Variants in DAPK3 observed in about 807,000 individuals in gnomAD.
DAPK3 encodes death-associated protein kinase 3.
A neutral mutation model predicts 30.6 loss-of-function variants in DAPK3; 24 were observed. The ratio of observed to expected loss-of-function variants is 0.78; its 90% CI spans 0.57 to 1.10. The LOEUF is 1.10. DAPK3 is among the 50% of genes least tolerant of loss of function. The pLI, the probability that DAPK3 is intolerant of heterozygous loss-of-function variation, is 0.00. For missense variants in DAPK3, 629 were observed against 657.3 expected (o/e 0.96, Z 0.47); for synonymous variants, 341 against 284.0 (o/e 1.20, Z -2.02).
In DAPK3 at chr19:3,964,845, T is replaced by C; in HGVS notation, c.209A>G (p.Glu70Gly). Residue 70 changes from glutamate (E) to glycine (G), a missense_variant, in exon 3 of 9, where the codon GAG becomes GGG. By Grantham distance (98) the Glu-to-Gly change is moderately conservative. Around this residue, in one of 2 missense-constraint regions of DAPK3, gnomAD observed 306 missense variants for 378.5 expected, o/e 0.81. Transcript: ENST00000545797. ...GGTGATGATGTTGGGGTGCCGGATC[T>C]CCCGCAGGATGTTCACCTCCCGCTC... Reference protein sequence around the residue: ...EIEREVNILREIRHPNIITLH... With the variant: ...EIEREVNILRGIRHPNIITLH... 10 of 1,612,902 alleles carry C rather than the reference T, an allele frequency of 6.2e-6. No homozygotes were observed. Among genetic ancestry groups the C allele is most frequent in the Non-Finnish European group, 8.5e-6 (10 of 1,179,216 alleles).
chr19:3,959,886 G>C, intron 8 of DAPK3, 173 bp downstream of exon 8: 1 of 646,774 alleles, frequency 1.5e-6, no homozygotes, highest in South Asian at 1.8e-5. Flanking sequence ...TCGGGTGCTG[G>C]ACATCCCACG....
chr19:3,959,621 T>C lies in DAPK3; in HGVS notation c.845A>G (p.Asn282Ser), dbSNP rs1220124523. The C allele has an allele frequency of 5.1e-6, 8 of 1,581,204 alleles. No homozygotes were observed. The highest frequency in any genetic ancestry group is 6.8e-6 in the Non-Finnish European group (8 of 1,170,474). Residue 282 changes from asparagine to serine, a missense_variant, in exon 9 of 9, where the codon AAC (asparagine) becomes AGC (serine). Coordinates refer to ENST00000545797, the MANE Select transcript of DAPK3 (RefSeq NM_001348.3). ...GCGGCCGCTGTCCTCACCACGCACG[T>C]TCCGCCGCCGGATCGCCTAGGAAGG... ...HSWIKAIRRRNVRGEDSGRKP... is the reference protein window; with the variant it reads ...HSWIKAIRRRSVRGEDSGRKP...
At chr19:3,968,293 G>A (rs949123025) in intron 2 of DAPK3, among the ~76,000 whole-genome samples, 1 of 152,080 alleles carries the variant, frequency 6.6e-6, no homozygotes, top group African/African-American at 2.4e-5. Flanking sequence ...TCAGTAGTTC[G>A]AGACCAGCCT....
Position 3,959,253 on chromosome 19 carries a change from C to G in DAPK3, c.1213G>C (p.Gly405Arg). Residue 405 changes from glycine (G) to arginine (R), a missense_variant, in exon 9 of 9, where the codon GGG becomes CGG. Gly to Arg is a moderately radical substitution (Grantham distance 125). This residue lies in a region of DAPK3 where 323 missense variants were observed against 278.8 expected (regional missense o/e 1.16). Coordinates refer to ENST00000545797, the MANE Select transcript of DAPK3 (RefSeq NM_001348.3). ...AAGCGGCGCTTGAGGCCGCTGGTCC[C>G]CAGCAGCGCGCCCTTGGCCTCCTCC... The part of the protein sequence containing the change: ...AQEEAKGALL[G>R]TSGLKRRFSR... 1 of 1,599,952 alleles carries G rather than the reference C, an allele frequency of 6.3e-7. No individual in the cohort carries two copies. The highest frequency in any genetic ancestry group is 2.2e-5 in the East Asian group (1 of 44,780).
chr19:3,966,146 G>A (rs1181127130), intron 2 of DAPK3, among the ~76,000 whole-genome samples: 2 of 152,220 alleles, frequency 1.3e-5, no homozygotes, highest in African/African-American at 2.4e-5. Context: ...AGGTCATGCA[G>A]TCAGTCAGTG....
chr19:3,969,587 G>C, intron 2 of DAPK3, 87 bp downstream of exon 2: 1 of 874,064 alleles, frequency 1.1e-6, no homozygotes, highest in East Asian at 2.4e-5. Context: ...ACAGGATAAA[G>C]AACAGGAAAG....
At chr19:3,963,693 G>A in intron 5 of DAPK3, 24 bp from the exon 6 acceptor site, 1 of 1,530,994 alleles carries the variant, frequency 6.5e-7, no homozygotes, top group Non-Finnish European at 8.8e-7. Flanking sequence ...AGAGGCAAGG[G>A]TCAGCGCAGC....
chr19:3,964,403 G>A, intron 3 of DAPK3, 30 bp from the exon 4 acceptor site: 1 of 1,598,394 alleles, frequency 6.3e-7, no homozygotes. Context: ...AGCAGGGAAA[G>A]CACGGGCCTC....
At chr19:3,962,679 A>G (rs2039530328) in intron 6 of DAPK3, among the ~76,000 whole-genome samples, 1 of 148,430 alleles carries the variant, frequency 6.7e-6, no homozygotes. Flanking sequence ...TGGGAGGCTG[A>G]GGCATGGGAA....
At chr19:3,961,831 G>A (rs1013964384) in intron 6 of DAPK3, 2 of 239,470 alleles carry the variant, frequency 8.4e-6, no homozygotes, top group Non-Finnish European at 1.7e-5. Context: ...GTGGAAAACG[G>A]GGGTGTCTAA....
intron 6 of DAPK3, 192 bp from the exon 7 acceptor site, chr19:3,961,353 C>T: frequency 4.2e-6 from 3 of 712,878 alleles, no homozygotes; most frequent in Non-Finnish European, 8.0e-6. Context: ...TCAAAATCCA[C>T]CCCCCCACCC....
intron 2 of DAPK3, among the ~76,000 whole-genome samples, chr19:3,968,490 G>A (rs1304313925): frequency 6.6e-6 from 1 of 152,024 alleles, no homozygotes; most frequent in Non-Finnish European, 1.5e-5. Flanking sequence ...AAAAAAAAAG[G>A]CTGTTATTCT....
Position 3,961,090 on chromosome 19 carries a change from T to C in DAPK3, c.701A>G (p.Tyr234Cys), listed in dbSNP as rs767756142. 1 of 1,613,750 alleles carries C rather than the reference T, an allele frequency of 6.2e-7. No homozygotes were observed. The highest frequency in any genetic ancestry group is 1.1e-5 in the South Asian group (1 of 91,080). Residue 234 changes from tyrosine (Y) to cysteine (C), a missense_variant, in exon 7 of 9, where the codon TAC (tyrosine) becomes TGC (cysteine). By Grantham distance (194) the Tyr-to-Cys change is radical. Coordinates refer to ENST00000545797, the MANE Select transcript of DAPK3 (RefSeq NM_001348.3). The stretch of plus-strand genomic sequence containing the variant: ...GCTGAAGTACTCCTCGTCGAAGTCG[T>C]AGTTCACGGCTGAGATGTTGGTGAG... ...ETLTNISAVNYDFDEEYFSNT... is the reference protein window; with the variant it reads ...ETLTNISAVNCDFDEEYFSNT...
chr19:3,965,257 G>A (rs1054657246), intron 2 of DAPK3, among the ~76,000 whole-genome samples: 5 of 152,212 alleles, frequency 3.3e-5, no homozygotes, highest in Admixed American at 2.6e-4. Context: ...AGAGCCACAC[G>A]TTAACACCAT....
chr19:3,959,142 C>A lies in DAPK3; in HGVS notation c.1324G>T (p.Glu442Ter). ...RFVQDLVRAL[E>*]QEKLQGVECG... The stretch of plus-strand genomic sequence containing the variant: ...TCCACGCCCTGCAGCTTCTCCTGCT[C>A]CAGGGCGCGCACGAGGTCCTGCACG... The change falls in exon 9 of 9, where the codon GAG becomes TAG. Residue 442 changes from glutamate to a stop codon, truncating the protein, a stop_gained. Transcript: ENST00000545797. LOFTEE classifies it high-confidence loss of function. The A allele has an allele frequency of 6.3e-7, 1 of 1,581,710 alleles. No homozygotes were observed. The highest frequency in any genetic ancestry group is 1.3e-5 in the African/African-American group (1 of 74,548).
chr19:3,964,599 AGGCCGGCCCCACAG>A lies in DAPK3; in HGVS notation c.423+18_423+31del. ...CCCCATCCCCACCCCCACACTGGCC[AGGCCGGCCCCACAG>A]GGCCCTACAGGGCTCACCTTCAGGT... is the stretch of plus-strand genomic sequence containing the variant. On this transcript the variant is annotated intron_variant, in intron 3 of 8. Coordinates refer to ENST00000545797, the MANE Select transcript of DAPK3 (RefSeq NM_001348.3). The A allele has an allele frequency of 1.7e-6, 1 of 583,992 alleles. No individual in the cohort carries two copies. Among genetic ancestry groups the A allele is most frequent in the Non-Finnish European group, 2.8e-6 (1 of 356,790 alleles). The allele number at this position is 583,992 out of a possible 1,614,324, so 36.2% of individuals were successfully genotyped here. A position where few individuals can be genotyped will look rare whatever the true frequency, so the allele number is the denominator to read the frequency against.
At chr19:3,969,536 G>A (rs1424853940) in intron 2 of DAPK3, 138 bp downstream of exon 2, 2 of 541,204 alleles carry the variant, frequency 3.7e-6, no homozygotes, top group Non-Finnish European at 6.4e-6. Flanking sequence ...GCCCAAATTC[G>A]TTCCCCCACC....
intron 5 of DAPK3, 32 bp downstream of exon 5, chr19:3,963,839 G>A (rs752008126): frequency 6.7e-7 from 1 of 1,491,180 alleles, no homozygotes; most frequent in South Asian, 1.2e-5. Context: ...AGGAATGCAG[G>A]GAGGCCCGGT....
At chr19:3,959,660 C>T (rs1329562719) in intron 8 of DAPK3, 23 bp from the exon 9 acceptor site, 7 of 1,543,990 alleles carry the variant, frequency 4.5e-6, no homozygotes, top group Non-Finnish European at 6.1e-6. Context: ...GAAGCCTGAG[C>T]GGGGTCCCCG....
Sources: gnomAD v4.1 joint callset for allele counts (sites outside exome capture counted in the v4.1 genomes callset) on GRCh38, gnomAD v4.1.1 for gene constraint, gnomAD v4.1.1 regional missense constraint, MANE v1.5 for transcripts, NCBI Gene and HGNC (gene_info 2026-07-23, HGNC 2026-07-21) for gene names.